The following PCNX2 variants were observed in gnomAD, a reference collection of about 807,000 sequenced individuals.
The protein encoded by PCNX2 is pecanex 2, also known as pecanex-like protein 2.
A neutral mutation model predicts 223.8 loss-of-function variants in PCNX2; 168 were observed. The observed-to-expected ratio is 0.75, with a 90% CI of 0.66 to 0.85. The LOEUF (loss-of-function observed/expected upper bound fraction) is 0.85, where lower values mean the gene tolerates loss of function less well. Ranked by LOEUF, PCNX2 falls within the 40% of genes least tolerant of loss-of-function variation. PCNX2 has a pLI of 0.00. For missense variants in PCNX2, 2,507 were observed against 2,675.5 expected, an observed-to-expected ratio of 0.94 and a Z score of 1.39; for synonymous variants, 1,006 against 1,052.6, an observed-to-expected ratio of 0.96 and a Z score of 0.86.
chr1:233,169,634 A>G lies in PCNX2; in HGVS notation c.3273+8168T>C, dbSNP rs550329141. The stretch of plus-strand genomic sequence containing the variant: ...CACTCCAGCCTGGGCGACAGAGCGA[A>G]ACTCCGTCTCAAAAAAAAAAAAAAA... On this transcript the variant is annotated intron_variant, in intron 17 of 33. Transcript: ENST00000258229. Among the ~76,000 whole-genome samples the G allele has an allele frequency of 9.0e-3, 1,343 of 148,854 alleles. 13 individuals are homozygous for G. The highest frequency in any genetic ancestry group is 0.024 in the South Asian group (108 of 4,574).
the PCNX2 span, among the ~76,000 whole-genome samples, chr1:233,311,902 C>G: frequency 6.6e-6 from 1 of 152,052 alleles, no homozygotes; most frequent in Non-Finnish European, 1.5e-5. Flanking sequence ...GGCAGATCAC[C>G]TGAGGCCTGA....
chr1:233,277,712 T>C, intron 1 of PCNX2, among the ~76,000 whole-genome samples: 1 of 152,150 alleles, frequency 6.6e-6, no homozygotes, highest in East Asian at 1.9e-4. Flanking sequence ...TCAACTGTGA[T>C]GCAGAAATTG....
At chr1:233,008,978 C>T (rs571694678) in intron 28 of PCNX2, among the ~76,000 whole-genome samples, 1 of 152,270 alleles carries the variant, frequency 6.6e-6, no homozygotes, top group Admixed American at 6.5e-5. Flanking sequence ...GAGTGTGGTG[C>T]GTTCCTGCAC....
At chr1:232,986,713 C>T (rs1165666043) in intron 32 of PCNX2, among the ~76,000 whole-genome samples, 173 bp from the exon 33 acceptor site, 4 of 152,148 alleles carry the variant, frequency 2.6e-5, no homozygotes, top group East Asian at 1.9e-4. Context: ...CACTCCCTCC[C>T]GCCAAGTCCA....
intron 8 of PCNX2, among the ~76,000 whole-genome samples, chr1:233,238,837 G>C (rs1272989375): frequency 6.6e-6 from 1 of 152,196 alleles, no homozygotes; most frequent in Non-Finnish European, 1.5e-5. Context: ...GGTAGAGTAA[G>C]TACGTAGAGT....
intron 8 of PCNX2, chr1:233,241,471 A>G (rs1658761009): frequency 5.0e-6 from 4 of 794,338 alleles, no homozygotes; most frequent in Non-Finnish European, 4.6e-6. Flanking sequence ...TAAGAATGAC[A>G]GTGAAAGGAG....
chr1:233,031,652 C>T, intron 25 of PCNX2: 1 of 678,926 alleles, frequency 1.5e-6, no homozygotes, highest in Non-Finnish European at 1.8e-6. Context: ...AATAGGAGTC[C>T]AGGTCAGGAA....
At chr1:233,036,878 C>T (rs1572035007) in intron 25 of PCNX2, among the ~76,000 whole-genome samples, 1 of 152,100 alleles carries the variant, frequency 6.6e-6, no homozygotes, top group Admixed American at 6.5e-5. Context: ...ATCCTTCTCT[C>T]GACTGCTGTT....
intron 23 of PCNX2, among the ~76,000 whole-genome samples, chr1:233,079,333 G>A (rs188534039): frequency 6.6e-6 from 1 of 152,084 alleles, no homozygotes; most frequent in East Asian, 1.9e-4. Flanking sequence ...GACCAGACTG[G>A]CCAATGTAGT....
In PCNX2 at chr1:233,254,161, G is replaced by T. The variant is rs75108236; in HGVS notation, c.1835-1373C>A. ...ATCCTTAAACTTCAAGTAATTAGAGGAGCAATGCTGGCTTCTCTGTGAGTC... is the reference window on the plus strand; with the variant it reads ...ATCCTTAAACTTCAAGTAATTAGAGTAGCAATGCTGGCTTCTCTGTGAGTC... On this transcript the variant is annotated intron_variant, in intron 5 of 33. Coordinates refer to ENST00000258229, the MANE Select transcript of PCNX2 (RefSeq NM_014801.4). Among the ~76,000 whole-genome samples, 1,132 of 152,226 alleles carry T rather than the reference G, an allele frequency of 7.4e-3. 8 individuals are homozygous for T. The highest frequency in any genetic ancestry group is 0.023 in the South Asian group (111 of 4,812).
chr1:233,111,447 T>C (rs757020321), intron 21 of PCNX2, among the ~76,000 whole-genome samples: 1 of 152,186 alleles, frequency 6.6e-6, no homozygotes, highest in Non-Finnish European at 1.5e-5. Flanking sequence ...CTTGCTCTGT[T>C]GTCCAGGCTG....
At chr1:233,260,910 G>C (rs991821106) in intron 4 of PCNX2, among the ~76,000 whole-genome samples, 2 of 152,050 alleles carry the variant, frequency 1.3e-5, no homozygotes, top group Admixed American at 1.3e-4. Context: ...CAGATATGCA[G>C]AATGCTGTAC....
chr1:233,194,040 C>G (rs754213977), intron 15 of PCNX2, among the ~76,000 whole-genome samples: 1 of 149,416 alleles, frequency 6.7e-6, no homozygotes, highest in Non-Finnish European at 1.5e-5. Context: ...ACTCACAAAT[C>G]AAACAGTTCA....
intron 21 of PCNX2, among the ~76,000 whole-genome samples, chr1:233,128,234 C>T (rs1237292924): frequency 1.3e-5 from 2 of 152,152 alleles, no homozygotes; most frequent in Non-Finnish European, 2.9e-5. Flanking sequence ...TCTGGAAATG[C>T]TGGCAGAATG....
At chr1:233,205,255 T>C (rs1024813970) in intron 13 of PCNX2, among the ~76,000 whole-genome samples, 2 of 152,252 alleles carry the variant, frequency 1.3e-5, no homozygotes, top group African/African-American at 4.8e-5. Context: ...AACCTCTTTC[T>C]ACAGATTATT....
At chr1:233,098,137 A>G (rs1261518175) in intron 21 of PCNX2, among the ~76,000 whole-genome samples, 3 of 152,152 alleles carry the variant, frequency 2.0e-5, no homozygotes, top group Non-Finnish European at 4.4e-5. Flanking sequence ...ATTGCCCCCA[A>G]ATGCCCTAAA....
chr1:233,029,996 A>G (rs1172195743), intron 25 of PCNX2, among the ~76,000 whole-genome samples: 1 of 152,208 alleles, frequency 6.6e-6, no homozygotes, highest in Non-Finnish European at 1.5e-5. Flanking sequence ...CAGTTAAAAA[A>G]AATCTGGATA....
intron 12 of PCNX2, among the ~76,000 whole-genome samples, chr1:233,216,686 C>A (rs189370897): frequency 6.6e-6 from 1 of 152,094 alleles, no homozygotes; most frequent in Admixed American, 6.5e-5. Context: ...TGAATATGAT[C>A]CAGCAACCCC....
intron 1 of PCNX2, among the ~76,000 whole-genome samples, chr1:233,264,429 C>G (rs1421295791): frequency 1.3e-5 from 2 of 152,198 alleles, no homozygotes; most frequent in African/African-American, 4.8e-5. Context: ...ATATCCATGC[C>G]TAAGCAGACC....
Sources: gnomAD v4.1 joint callset for allele counts (sites outside exome capture counted in the v4.1 genomes callset) on GRCh38, gnomAD v4.1.1 for gene constraint, MANE v1.5 for transcripts, NCBI Gene and HGNC (gene_info 2026-07-23, HGNC 2026-07-21) for gene names.